LHFPL2: variants seen among roughly 807,000 people sequenced by gnomAD.
LHFPL2 encodes the protein LHFPL tetraspan subfamily member 2 protein.
Under a neutral mutation model 17.5 loss-of-function variants are expected in LHFPL2, and 7 were observed. That is an observed-to-expected ratio of 0.40 (90% CI 0.23 to 0.75). LHFPL2 has a LOEUF of 0.75. LHFPL2 is among the 30% of genes least tolerant of loss of function. The pLI is 0.37. For synonymous variants in LHFPL2, 134 were observed against 116.2 expected, an observed-to-expected ratio of 1.15 and a Z score of -0.99; for missense variants, 241 against 294.8, an observed-to-expected ratio of 0.82 and a Z score of 1.34.
At chr5:78,516,274 C>T (rs1362213776) in intron 3 of LHFPL2, among the ~76,000 whole-genome samples, 3 of 152,278 alleles carry the variant, frequency 2.0e-5, no homozygotes, top group African/African-American at 7.2e-5. Flanking sequence ...CTCAAGACCT[C>T]CTGCTTTTGC....
intron 2 of LHFPL2, among the ~76,000 whole-genome samples, chr5:78,618,419 G>A (rs1383776187): frequency 1.3e-5 from 2 of 152,146 alleles, no homozygotes; most frequent in Admixed American, 6.5e-5. Context: ...GGCAGAGGTC[G>A]GTCACAGGCA....
chr5:78,486,404 T>C lies in LHFPL2; in HGVS notation c.*2493A>G, dbSNP rs1754242460. On this transcript the variant is annotated 3_prime_UTR_variant, in exon 5 of 5. Coordinates refer to ENST00000380345, the MANE Select transcript of LHFPL2 (RefSeq NM_005779.3). Reference sequence around the variant, plus strand: ...TGGTCCTATTTATTAGAAAAATAAGTGTGAGCCAACAATCTATTTTTAACA... The same window carrying C: ...TGGTCCTATTTATTAGAAAAATAAGCGTGAGCCAACAATCTATTTTTAACA... The C allele has an allele frequency of 6.6e-6, 1 of 152,198 alleles. No homozygotes were observed. Among genetic ancestry groups the C allele is most frequent in the Admixed American group, 6.5e-5 (1 of 15,286 alleles). The allele number at this position is 152,198 out of a possible 1,614,324, so 9.4% of individuals were successfully genotyped here. A position where few individuals can be genotyped will look rare whatever the true frequency, so the allele number is the denominator to read the frequency against.
intron 3 of LHFPL2, among the ~76,000 whole-genome samples, chr5:78,543,951 G>A (rs1283654442): frequency 6.6e-6 from 1 of 152,190 alleles, no homozygotes; most frequent in Non-Finnish European, 1.5e-5. Context: ...CAGAGACTCA[G>A]AATGGTGGAA....
chr5:78,489,042 A>G lies in LHFPL2; in HGVS notation c.542T>C (p.Leu181Ser), dbSNP rs1363502343. The G allele has an allele frequency of 6.2e-7, 1 of 1,614,266 alleles. No individual in the cohort carries two copies. The highest frequency in any genetic ancestry group is 2.2e-5 in the East Asian group (1 of 44,878). Reference protein sequence around the residue: ...ASAYKPGDCSLGWAFYTAIGG... With the variant: ...ASAYKPGDCSSGWAFYTAIGG... Reference sequence around the variant, plus strand: ...AATGGCGGTATAAAAGGCCCAGCCCAAGGAGCAGTCTCCAGGTTTGTAGGC... The same window carrying G: ...AATGGCGGTATAAAAGGCCCAGCCCGAGGAGCAGTCTCCAGGTTTGTAGGC... Residue 181 changes from leucine (L) to serine (S), a missense_variant, in exon 5 of 5, where the codon TTG (leucine) becomes TCG (serine). Transcript: ENST00000380345.
intron 3 of LHFPL2, among the ~76,000 whole-genome samples, chr5:78,517,155 T>G (rs1301765234): frequency 6.6e-6 from 1 of 152,208 alleles, no homozygotes; most frequent in Non-Finnish European, 1.5e-5. Context: ...ACCTGACCCC[T>G]CTTAAACATG....
chr5:78,507,252 A>T (rs746947713), intron 4 of LHFPL2, among the ~76,000 whole-genome samples: 1 of 151,886 alleles, frequency 6.6e-6, no homozygotes, highest in East Asian at 1.9e-4. Context: ...ATCGCTTGAA[A>T]CTGGGAGGTG....
chr5:78,540,648 T>C (rs1329278891), intron 3 of LHFPL2, among the ~76,000 whole-genome samples: 1 of 152,234 alleles, frequency 6.6e-6, no homozygotes, highest in African/African-American at 2.4e-5. Flanking sequence ...GTCCAAGGCA[T>C]TTATTCAAGC....
At chr5:78,559,437 A>T (rs183624432) in intron 3 of LHFPL2, among the ~76,000 whole-genome samples, 30 of 152,336 alleles carry the variant, frequency 2.0e-4, no homozygotes, top group Non-Finnish European at 4.4e-5. Flanking sequence ...GCAACTTTTC[A>T]TAGAAAGAGA....
Position 78,510,100 on chromosome 5 carries a change from C to A in LHFPL2, c.114G>T (p.Ala38=), listed in dbSNP as rs1174770162. The change falls in exon 4 of 5, where the codon GCG becomes GCT. Residue 38 remains alanine, a synonymous_variant. Coordinates refer to ENST00000380345, the MANE Select transcript of LHFPL2 (RefSeq NM_005779.3). ...FMSADWLIGK[A]RSRGGVEPAG... ...CCGGCTCCACGCCGCCGCGGCTCCTCGCTTTCCCGATCAGCCAGTCTGCAC... is the reference window on the plus strand; with the variant it reads ...CCGGCTCCACGCCGCCGCGGCTCCTAGCTTTCCCGATCAGCCAGTCTGCAC... 6.2e-7 allele frequency: 1 copy of A among 1,612,976 alleles called. No individual in the cohort carries two copies. The highest frequency in any genetic ancestry group is 1.7e-5 in the Admixed American group (1 of 59,968).
chr5:78,566,326 GCCAC>G (rs1490057138), intron 2 of LHFPL2, among the ~76,000 whole-genome samples: 4 of 152,168 alleles, frequency 2.6e-5, no homozygotes, highest in African/African-American at 9.7e-5. Context: ...TGGCACAAAG[GCCAC>G]TATCTAAAAA....
intron 3 of LHFPL2, among the ~76,000 whole-genome samples, chr5:78,552,729 G>C (rs1213474284): frequency 6.6e-6 from 1 of 152,250 alleles, no homozygotes. Flanking sequence ...GCTAGATGCA[G>C]GGGATGTAGC....
chr5:78,500,901 A>G (rs1754753501), intron 4 of LHFPL2, among the ~76,000 whole-genome samples: 1 of 152,172 alleles, frequency 6.6e-6, no homozygotes, highest in Non-Finnish European at 1.5e-5. Flanking sequence ...CAGAATTGAG[A>G]CTTAATGGCA....
intron 3 of LHFPL2, among the ~76,000 whole-genome samples, chr5:78,533,772 C>T (rs185381377): frequency 5.6e-4 from 85 of 152,338 alleles, no homozygotes; most frequent in African/African-American, 2.0e-3. Flanking sequence ...GAAATTGTTG[C>T]TTTTCATTCC....
rs993935732 is a variant in LHFPL2 at position 78,580,827 on chromosome 5, C to T, written c.-244-15956G>A. Among the ~76,000 whole-genome samples the T allele has an allele frequency of 7.9e-5, 12 of 152,008 alleles. No homozygotes were observed. In the East Asian group the frequency reaches 1.7e-3, roughly 22 times the overall value. Reference sequence around the variant, plus strand: ...TTGGCTTAGGATTGACTTAGCGATGCGGGCTCTTTTTTGGTTCCATATGAA... The same window carrying T: ...TTGGCTTAGGATTGACTTAGCGATGTGGGCTCTTTTTTGGTTCCATATGAA... On this transcript the variant is annotated intron_variant, in intron 2 of 4. Transcript: ENST00000380345.
intron 3 of LHFPL2, among the ~76,000 whole-genome samples, chr5:78,555,851 A>G (rs1756558025): frequency 6.6e-6 from 1 of 152,266 alleles, no homozygotes; most frequent in African/African-American, 2.4e-5. Context: ...AGGCAAAAGA[A>G]GTCAGCCAGG....
intron 4 of LHFPL2, among the ~76,000 whole-genome samples, chr5:78,490,140 T>C (rs188287056): frequency 1.7e-3 from 258 of 152,396 alleles, no homozygotes; most frequent in Middle Eastern, 0.014. Context: ...TACTTCCATT[T>C]TGCTGACCCT....
intron 3 of LHFPL2, among the ~76,000 whole-genome samples, chr5:78,557,031 CAT>C (rs1428688107): frequency 6.6e-6 from 1 of 151,658 alleles, no homozygotes; most frequent in Non-Finnish European, 1.5e-5. Context: ...CATATGTAGA[CAT>C]GTGTCTGGCA....
At chr5:78,544,539 T>A (rs529587253) in intron 3 of LHFPL2, among the ~76,000 whole-genome samples, 1 of 152,324 alleles carries the variant, frequency 6.6e-6, no homozygotes, top group East Asian at 1.9e-4. Flanking sequence ...AAACTTTAGC[T>A]GGGAAAACCT....
intron 2 of LHFPL2, among the ~76,000 whole-genome samples, chr5:78,585,229 G>T (rs1183016429): frequency 7.4e-5 from 7 of 95,176 alleles, no homozygotes; most frequent in Admixed American, 6.8e-4. Flanking sequence ...GGATGGTCTC[G>T]ATATCCTGAC....
Sources: allele counts gnomAD v4.1 joint callset (sites outside exome capture counted in the v4.1 genomes callset), GRCh38; gene constraint gnomAD v4.1.1; transcripts MANE v1.5; gene names NCBI Gene and HGNC (gene_info 2026-07-23, HGNC 2026-07-21).